FBXL5: variants seen among roughly 807,000 people sequenced by gnomAD.
The protein encoded by FBXL5 is F-box and leucine rich repeat protein 5.
Under a neutral mutation model 78.3 loss-of-function variants are expected in FBXL5, and 26 were observed. The observed-to-expected ratio is 0.33, with a 90% confidence interval of 0.24 to 0.46. The LOEUF (loss-of-function observed/expected upper bound fraction) is 0.46. Ranked by LOEUF, FBXL5 falls within the 20% of genes least tolerant of loss-of-function variation. The pLI, the probability that FBXL5 is intolerant of heterozygous loss-of-function variation, is 1.00. For synonymous variants in FBXL5, 295 were observed against 282.5 expected, an observed-to-expected ratio of 1.04 and a Z score of -0.45; for missense variants, 710 against 829.2, an observed-to-expected ratio of 0.86 and a Z score of 1.77.
chr4:15,653,479 C>G (rs945162842), intron 1 of FBXL5, among the ~76,000 whole-genome samples: 2 of 152,178 alleles, frequency 1.3e-5, no homozygotes, highest in African/African-American at 4.8e-5. Flanking sequence ...AGGTCACAAT[C>G]ATCTGGAAAT....
intron 8 of FBXL5, 60 bp from the exon 9 acceptor site, chr4:15,626,037 T>C: frequency 7.2e-7 from 1 of 1,391,686 alleles, no homozygotes; most frequent in Non-Finnish European, 9.5e-7. Context: ...AGCATTTGAC[T>C]ATATGCATGT....
At chr4:15,673,856 A>C (rs1717860736) in intron 1 of FBXL5, among the ~76,000 whole-genome samples, 1 of 152,178 alleles carries the variant, frequency 6.6e-6, no homozygotes, top group South Asian at 2.1e-4. Flanking sequence ...CTCTCCCTGT[A>C]CTATGGCTTA....
At chr4:15,635,112 AC>A (rs1714110099) in intron 5 of FBXL5, among the ~76,000 whole-genome samples, 1 of 152,150 alleles carries the variant, frequency 6.6e-6, no homozygotes, top group African/African-American at 2.4e-5. Flanking sequence ...CGGGTGGATC[AC>A]CTGAGGTCAG....
At chr4:15,624,566 G>A (rs1254047565) in intron 9 of FBXL5, among the ~76,000 whole-genome samples, 1 of 148,352 alleles carries the variant, frequency 6.7e-6, no homozygotes, top group African/African-American at 2.5e-5. Flanking sequence ...GCTGACACAT[G>A]TGTCACCTTC....
At chr4:15,631,319 G>A (rs1221838189) in intron 5 of FBXL5, among the ~76,000 whole-genome samples, 1 of 152,146 alleles carries the variant, frequency 6.6e-6, no homozygotes, top group African/African-American at 2.4e-5. Context: ...GTCTATCATT[G>A]ATGGACATTT....
In FBXL5 at chr4:15,605,695, G is replaced by A; in HGVS notation, c.*28C>T. On this transcript the variant is annotated 3_prime_UTR_variant, in exon 11 of 11. Transcript: ENST00000341285. ...TGAAAGAAAGCCTGCTCAGCTAAATGAAGTAGACAAAGATCAGAAGTCAAG... is the reference window on the plus strand; with the variant it reads ...TGAAAGAAAGCCTGCTCAGCTAAATAAAGTAGACAAAGATCAGAAGTCAAG... The A allele has an allele frequency of 6.2e-7, 1 of 1,601,078 alleles. No homozygotes were observed. The highest frequency in any genetic ancestry group is 8.6e-7 in the Non-Finnish European group (1 of 1,168,862).
At chr4:15,627,228 G>A (rs929850998) in intron 7 of FBXL5, among the ~76,000 whole-genome samples, 12 of 150,286 alleles carry the variant, frequency 8.0e-5, no homozygotes, top group Admixed American at 3.4e-4. Flanking sequence ...TCCGCCTTCC[G>A]GGTTCAAGCG....
intron 5 of FBXL5, among the ~76,000 whole-genome samples, chr4:15,632,063 T>C (rs1466674618): frequency 6.6e-6 from 1 of 152,248 alleles, no homozygotes; most frequent in East Asian, 1.9e-4. Flanking sequence ...AACATTTAAA[T>C]ATTTAATCCA....
intron 9 of FBXL5, among the ~76,000 whole-genome samples, chr4:15,619,902 C>T (rs1429069725): frequency 1.3e-5 from 2 of 151,898 alleles, no homozygotes; most frequent in African/African-American, 4.8e-5. Flanking sequence ...AACCCTAAAA[C>T]CTGTTAGAAC....
chr4:15,640,510 ATTAATAT>A (rs1714746217), intron 3 of FBXL5, among the ~76,000 whole-genome samples: 2 of 152,012 alleles, frequency 1.3e-5, no homozygotes, highest in Admixed American at 1.3e-4. Context: ...AGCATAAGTT[ATTAATAT>A]TTAAGACAGA....
chr4:15,648,172 A>G (rs972411218), intron 1 of FBXL5, among the ~76,000 whole-genome samples: 4 of 152,184 alleles, frequency 2.6e-5, no homozygotes, highest in South Asian at 2.1e-4. Flanking sequence ...TGATAATTTA[A>G]TAAGTTAATA....
chr4:15,611,747 T>G (rs1446888247), intron 10 of FBXL5, among the ~76,000 whole-genome samples: 1 of 152,116 alleles, frequency 6.6e-6, no homozygotes, highest in East Asian at 1.9e-4. Context: ...CAGACTCTTC[T>G]CAATACTACA....
At chr4:15,633,122 T>G (rs1001531240) in intron 5 of FBXL5, among the ~76,000 whole-genome samples, 2 of 152,164 alleles carry the variant, frequency 1.3e-5, no homozygotes, top group Admixed American at 6.5e-5. Flanking sequence ...CTATGACAGG[T>G]GGGTTCGATT....
At chr4:15,638,845 T>C (rs2148636040) in intron 3 of FBXL5, 151 bp from the exon 4 acceptor site, 2 of 562,736 alleles carry the variant, frequency 3.6e-6, no homozygotes, top group South Asian at 2.5e-5. Flanking sequence ...AGTTAGTTTA[T>C]CTAAAAATTG....
upstream of FBXL5, among the ~76,000 whole-genome samples, chr4:15,655,701 C>G (rs568332671): frequency 1.3e-5 from 2 of 152,352 alleles, no homozygotes; most frequent in Non-Finnish European, 2.9e-5. Context: ...CAGCCAAGCA[C>G]AATGGCCGCG....
chr4:15,648,662 G>T (rs1373278445), intron 1 of FBXL5, among the ~76,000 whole-genome samples: 2 of 152,186 alleles, frequency 1.3e-5, no homozygotes, highest in African/African-American at 4.8e-5. Flanking sequence ...GGAATCTAAA[G>T]TAGAACTCAC....
At chr4:15,612,604 A>AT (rs1242709401) in intron 9 of FBXL5, among the ~76,000 whole-genome samples, 190 bp from the exon 10 acceptor site, 1 of 152,080 alleles carries the variant, frequency 6.6e-6, no homozygotes. Context: ...AATGTTCAAC[A>AT]TTTTTCCTAA....
chr4:15,680,533 C>G (rs557185112), intron 1 of FBXL5, among the ~76,000 whole-genome samples: 11 of 152,118 alleles, frequency 7.2e-5, no homozygotes, highest in Non-Finnish European at 1.5e-4. Context: ...AAAAATTAGC[C>G]TGGCATGGTG....
upstream of FBXL5, among the ~76,000 whole-genome samples, chr4:15,658,736 A>G (rs1717147212): frequency 6.6e-6 from 1 of 152,218 alleles, no homozygotes; most frequent in Non-Finnish European, 1.5e-5. Flanking sequence ...TTCTGTTATA[A>G]GCAATAGAAA....
Sources: gnomAD v4.1 joint callset for allele counts (sites outside exome capture counted in the v4.1 genomes callset) on GRCh38, gnomAD v4.1.1 for gene constraint, MANE v1.5 for transcripts, NCBI Gene and HGNC (gene_info 2026-07-23, HGNC 2026-07-21) for gene names.